Variants in TANGO6 observed in about 807,000 individuals in gnomAD.
The protein encoded by TANGO6 is transport and golgi organization 6 homolog, also known as transport and Golgi organization protein 6 homolog.
In TANGO6, 90 loss-of-function variants were observed where a neutral mutation model predicts 114.2. The observed-to-expected ratio is 0.79, with a 90% CI of 0.66 to 0.94. The LOEUF (loss-of-function observed/expected upper bound fraction) is 0.94, where lower values mean the gene tolerates loss of function less well. Among genes scored for constraint, TANGO6 ranks in the 40% least tolerant of loss-of-function variants. TANGO6 has a pLI of 0.00. For missense variants in TANGO6, 1,274 were observed against 1,315.3 expected, an observed-to-expected ratio of 0.97 and a Z score of 0.49; for synonymous variants, 477 against 509.8, an observed-to-expected ratio of 0.94 and a Z score of 0.87.
chr16:68,864,224 G>A (rs1398528835), intron 3 of TANGO6, among the ~76,000 whole-genome samples: 2 of 151,832 alleles, frequency 1.3e-5, no homozygotes, highest in Non-Finnish European at 2.9e-5. Flanking sequence ...GATATAGATG[G>A]AATTGTCTGT....
chr16:68,898,372 A>T (rs55735255), intron 7 of TANGO6, among the ~76,000 whole-genome samples: 54,400 of 152,044 alleles, frequency 0.36, 9,827 homozygotes, highest in Middle Eastern at 0.42. Flanking sequence ...GGAAAAGCAC[A>T]GAGATTTTTC....
chr16:68,890,704 G>T (rs1962601044), intron 7 of TANGO6, among the ~76,000 whole-genome samples: 1 of 152,004 alleles, frequency 6.6e-6, no homozygotes, highest in East Asian at 1.9e-4. Context: ...GGCCAATATG[G>T]TGAAACCCTG....
At chr16:68,854,958 G>A (rs1219701685) in intron 1 of TANGO6, among the ~76,000 whole-genome samples, 1 of 151,130 alleles carries the variant, frequency 6.6e-6, no homozygotes. Context: ...GATTCTTATT[G>A]TAATTGCGTT....
intron 7 of TANGO6, among the ~76,000 whole-genome samples, chr16:68,891,200 G>A (rs1208566061): frequency 2.6e-5 from 4 of 151,152 alleles, no homozygotes; most frequent in Non-Finnish European, 4.4e-5. Flanking sequence ...GCTGAGGCAG[G>A]AGAATTGCTT....
chr16:69,040,359 C>T lies in TANGO6; in HGVS notation c.3046C>T (p.Arg1016Cys), dbSNP rs1205062277. The change falls in exon 17 of 18, where the codon CGC (arginine) becomes TGC (cysteine). Residue 1016 changes from arginine to cysteine, a missense_variant. By Grantham distance (180) the Arg-to-Cys change is radical. Coordinates refer to ENST00000261778, the MANE Select transcript of TANGO6 (RefSeq NM_024562.2). ...VAKTDGEVQV[R>C]RAAIHVVVLL... ...CAAAACAGATGGTGAAGTTCAAGTACGCAGAGCTGCCATACATGTGGTTGT... is the reference window on the plus strand; with the variant it reads ...CAAAACAGATGGTGAAGTTCAAGTATGCAGAGCTGCCATACATGTGGTTGT... The T allele has an allele frequency of 8.1e-6, 13 of 1,609,166 alleles. No individual in the cohort carries two copies. In the East Asian group the frequency reaches 1.1e-4, roughly 14 times the overall value.
Position 68,843,602 on chromosome 16 carries a change from GTGT to G in TANGO6, c.-14_-12del, listed in dbSNP as rs1372214780. The G allele has an allele frequency of 1.2e-6, 2 of 1,612,206 alleles. No homozygotes were observed. ...GGCGCCTGAGCGGGTCGCGAGCGTG[GTGT>G]TACACTCCAGTCATGGCGGCCCGAC... On this transcript the variant is annotated 5_prime_UTR_variant, in exon 1 of 18. Coordinates refer to ENST00000261778, the MANE Select transcript of TANGO6 (RefSeq NM_024562.2).
chr16:69,070,044 TAAAAAAAAAAAAA>T (rs775552668), intron 17 of TANGO6, among the ~76,000 whole-genome samples: 1 of 75,380 alleles, frequency 1.3e-5, no homozygotes, highest in Non-Finnish European at 2.6e-5. Context: ...CTGTCTGTAC[TAAAAAAAAAAAAA>T]AAAAAAAGCT....
Position 68,870,165 on chromosome 16 carries a change from A to AT in TANGO6, c.994+2947dup, listed in dbSNP as rs1208583440. ...CATCTGAGGAATCACGGAGGCTTGG[A>AT]TTAATGCAGTGGTCATGGAAATGGA... On this transcript the variant is annotated intron_variant, in intron 4 of 17. Coordinates refer to ENST00000261778, the MANE Select transcript of TANGO6 (RefSeq NM_024562.2). Among the ~76,000 whole-genome samples the AT allele has an allele frequency of 2.0e-5, 3 of 152,314 alleles. No homozygotes were observed. The East Asian group carries it at 5.8e-4, about 29-fold the overall frequency.
In TANGO6 at chr16:68,856,350, C is replaced by T. The variant is rs570029316; in HGVS notation, c.95-3534C>T. ...TTTTCTGCGTTTGTTGAAATGATCACGTGGGTTTTCTCCTTATACTGTTAA... is the reference window on the plus strand; with the variant it reads ...TTTTCTGCGTTTGTTGAAATGATCATGTGGGTTTTCTCCTTATACTGTTAA... On this transcript the variant is annotated intron_variant, in intron 1 of 17. Transcript: ENST00000261778. Among the ~76,000 whole-genome samples, 5 of 152,274 alleles carry T rather than the reference C, an allele frequency of 3.3e-5. 1 individual carries two copies. Among genetic ancestry groups the T allele is most frequent in the Non-Finnish European group, 5.9e-5 (4 of 68,024 alleles).
intron 4 of TANGO6, among the ~76,000 whole-genome samples, chr16:68,872,408 T>C (rs1013323496): frequency 6.6e-6 from 1 of 151,452 alleles, no homozygotes; most frequent in African/African-American, 2.4e-5. Flanking sequence ...TTCAAGAGAT[T>C]CTCCTGCCTC....
intron 17 of TANGO6, among the ~76,000 whole-genome samples, chr16:69,054,472 G>T (rs1960001724): frequency 6.6e-6 from 1 of 152,042 alleles, no homozygotes; most frequent in African/African-American, 2.4e-5. Flanking sequence ...CCTGCTTCTG[G>T]GACTCTTAGG....
At chr16:68,909,967 T>C (rs1261541749) in intron 11 of TANGO6, among the ~76,000 whole-genome samples, 1 of 152,216 alleles carries the variant, frequency 6.6e-6, no homozygotes, top group East Asian at 1.9e-4. Flanking sequence ...AAAATGCTTT[T>C]AGAGGAGTAT....
chr16:69,009,184 C>T (rs1002731955), intron 15 of TANGO6, among the ~76,000 whole-genome samples: 4 of 144,746 alleles, frequency 2.8e-5, no homozygotes, highest in Non-Finnish European at 6.0e-5. Context: ...CAGGTTCAAG[C>T]GATTCTCCTG....
At chr16:69,014,065 G>T (rs1398066668) in intron 15 of TANGO6, among the ~76,000 whole-genome samples, 1 of 152,164 alleles carries the variant, frequency 6.6e-6, no homozygotes, top group African/African-American at 2.4e-5. Flanking sequence ...GAGCATTCCA[G>T]TTTTCATATA....
intron 11 of TANGO6, among the ~76,000 whole-genome samples, chr16:68,911,486 G>A (rs989642914): frequency 1.4e-5 from 2 of 146,134 alleles, no homozygotes; most frequent in East Asian, 2.0e-4. Flanking sequence ...GTGCGATCTC[G>A]GCTCACTGCA....
intron 17 of TANGO6, among the ~76,000 whole-genome samples, chr16:69,062,140 A>G (rs959197375): frequency 2.0e-5 from 3 of 152,206 alleles, no homozygotes; most frequent in African/African-American, 7.2e-5. Context: ...AAAAGATGCA[A>G]TTTTAATTTG....
At chr16:68,852,279 A>G (rs1471782074) in intron 1 of TANGO6, among the ~76,000 whole-genome samples, 1 of 152,200 alleles carries the variant, frequency 6.6e-6, no homozygotes, top group Non-Finnish European at 1.5e-5. Context: ...ATAGAATTAG[A>G]CCATAATTTA....
At chr16:68,949,525 G>T (rs1010787723) in intron 14 of TANGO6, among the ~76,000 whole-genome samples, 1 of 152,052 alleles carries the variant, frequency 6.6e-6, no homozygotes, top group Non-Finnish European at 1.5e-5. Flanking sequence ...GGAGGCTGAG[G>T]CAGGAGAATC....
chr16:68,998,528 G>A (rs1428846574), intron 15 of TANGO6, among the ~76,000 whole-genome samples: 1 of 151,926 alleles, frequency 6.6e-6, no homozygotes, highest in Admixed American at 6.6e-5. Flanking sequence ...TGAGGAGTTC[G>A]AGACCAGCCT....
Sources: allele counts gnomAD v4.1 joint callset (sites outside exome capture counted in the v4.1 genomes callset), GRCh38; gene constraint gnomAD v4.1.1; transcripts MANE v1.5; gene names NCBI Gene and HGNC (gene_info 2026-07-23, HGNC 2026-07-21).